Variants in EIF4ENIF1 observed in about 807,000 individuals in gnomAD.
EIF4ENIF1 encodes the protein eukaryotic translation initiation factor 4E nuclear import factor 1.
A neutral mutation model predicts 110.5 loss-of-function variants in EIF4ENIF1; 23 were observed. The observed-to-expected ratio is 0.21, with a 90% CI of 0.15 to 0.29. The LOEUF is 0.29. Among genes scored for constraint, EIF4ENIF1 ranks in the 10% least tolerant of loss-of-function variants. The probability of loss-of-function intolerance (pLI) is 1.00; values close to 1 mark genes in which losing one functional copy is unlikely to be tolerated. For missense variants in EIF4ENIF1, 1,031 were observed against 1,221.1 expected (o/e 0.84, Z 2.32); for synonymous variants, 440 against 437.0 (o/e 1.01, Z -0.09).
At position 31,488,709 on chromosome 22, in the gene EIF4ENIF1, T is replaced by C; in HGVS notation, c.10A>G (p.Arg4Gly). Residue 4 changes from arginine to glycine, a missense_variant, in exon 2 of 19, where the codon AGA becomes GGA. By Grantham distance (125) the Arg-to-Gly change is moderately radical. Transcript: ENST00000330125. MDR[R>G]SMGETESGDA... ...CCACTTTCTGTTTCACCCATACTTCTCCTATCCATGGCTCCTTGGTCTACA... is the reference window on the plus strand; with the variant it reads ...CCACTTTCTGTTTCACCCATACTTCCCCTATCCATGGCTCCTTGGTCTACA... The C allele has an allele frequency of 6.2e-7, 1 of 1,613,824 alleles. No homozygotes were observed.
chr22:31,458,925 CTT>C (rs11337049), intron 6 of EIF4ENIF1, among the ~76,000 whole-genome samples: 555 of 107,196 alleles, frequency 5.2e-3, no homozygotes, highest in African/African-American at 0.016. Context: ...GGAGGGGGGT[CTT>C]TTTTTTTTTT....
In EIF4ENIF1 at chr22:31,486,612, C is replaced by G. The variant is rs9619201; in HGVS notation, c.96+2011G>C. ...TGGCCAACATGGCAAGATCCCGTCT[C>G]CACTAAAACTACAAAAATTAGCTGG... On this transcript the variant is annotated intron_variant, in intron 2 of 18. Transcript: ENST00000330125. Among the ~76,000 whole-genome samples, 1,129 of 150,380 alleles carry G rather than the reference C, an allele frequency of 7.5e-3. 22 individuals carry two copies. Among genetic ancestry groups the G allele is most frequent in the African/African-American group, 0.025 (1,025 of 40,898 alleles).
intron 4 of EIF4ENIF1, 148 bp downstream of exon 4, chr22:31,468,027 G>A (rs888245924): frequency 1.4e-5 from 16 of 1,180,804 alleles, no homozygotes; most frequent in African/African-American, 3.1e-5. Context: ...TTACCCTGCT[G>A]ATTAGGAAAA....
At chr22:31,458,694 C>T (rs2050902202) in intron 6 of EIF4ENIF1, 44 bp from the exon 7 acceptor site, 2 of 1,501,110 alleles carry the variant, frequency 1.3e-6, no homozygotes, top group Non-Finnish European at 1.8e-6. Context: ...AAGTAAATCA[C>T]TCCAGTGTCC....
chr22:31,491,916 C>T (rs2052290443), upstream of EIF4ENIF1, among the ~76,000 whole-genome samples: 2 of 152,196 alleles, frequency 1.3e-5, no homozygotes, highest in Non-Finnish European at 2.9e-5. Context: ...TAACAAACCA[C>T]CCCAGAATTC....
chr22:31,464,674 T>TAAAAAAAAAA (rs1370083798), intron 4 of EIF4ENIF1, among the ~76,000 whole-genome samples: 1 of 8,232 alleles, frequency 1.2e-4, no homozygotes, highest in African/African-American at 2.3e-3. Flanking sequence ...AGATTCAGTC[T>TAAAAAAAAAA]CAAAAAAAAA....
intron 11 of EIF4ENIF1, 79 bp from the exon 12 acceptor site, chr22:31,449,610 G>T: frequency 7.3e-7 from 1 of 1,367,534 alleles, no homozygotes; most frequent in Non-Finnish European, 1.0e-6. Flanking sequence ...ATTAACTTTT[G>T]AGAGCCACAA....
intron 9 of EIF4ENIF1, 38 bp from the exon 10 acceptor site, chr22:31,454,414 G>C (rs1462984815): frequency 6.4e-7 from 1 of 1,553,342 alleles, no homozygotes; most frequent in African/African-American, 1.4e-5. Context: ...ATCAAGCAAA[G>C]AGATATCTGG....
chr22:31,443,353 C>G, intron 15 of EIF4ENIF1: 2 of 348,672 alleles, frequency 5.7e-6, no homozygotes, highest in South Asian at 6.3e-5. Flanking sequence ...GATTTCCCAG[C>G]CTGGGATTAG....
intron 15 of EIF4ENIF1, 153 bp downstream of exon 15, chr22:31,444,453 G>A (rs2082044982): frequency 1.4e-6 from 1 of 715,850 alleles, no homozygotes; most frequent in East Asian, 2.6e-5. Context: ...GTCCTAAAAG[G>A]GAAAGACCTA....
chr22:31,472,860 T>C (rs1406954717), intron 2 of EIF4ENIF1, among the ~76,000 whole-genome samples: 3 of 152,168 alleles, frequency 2.0e-5, no homozygotes, highest in Non-Finnish European at 4.4e-5. Flanking sequence ...TTTTGAAATA[T>C]ACAATACACT....
intron 2 of EIF4ENIF1, among the ~76,000 whole-genome samples, chr22:31,485,959 A>G (rs926865127): frequency 2.6e-5 from 4 of 151,488 alleles, no homozygotes; most frequent in African/African-American, 9.7e-5. Context: ...AATACAAAAA[A>G]AAATAGGCCA....
chr22:31,443,134 T>A, intron 15 of EIF4ENIF1, 40 bp from the exon 16 acceptor site: 1 of 1,606,896 alleles, frequency 6.2e-7, no homozygotes. Context: ...ATTCTCTAAG[T>A]GCCGTTCTCT....
At chr22:31,450,232 TG>T in intron 11 of EIF4ENIF1, 56 bp downstream of exon 11, 1 of 1,454,084 alleles carries the variant, frequency 6.9e-7, no homozygotes, top group Admixed American at 1.8e-5. Flanking sequence ...TAAGCAAAAC[TG>T]GTTCAGAAGA....
chr22:31,492,155 A>G (rs536550083), upstream of EIF4ENIF1, among the ~76,000 whole-genome samples: 3 of 152,220 alleles, frequency 2.0e-5, no homozygotes, highest in South Asian at 2.1e-4. Flanking sequence ...CTTCCTTGAA[A>G]TATCAGGGCT....
chr22:31,458,372 A>C, intron 7 of EIF4ENIF1, 103 bp downstream of exon 7: 1 of 1,053,910 alleles, frequency 9.5e-7, no homozygotes, highest in Non-Finnish European at 1.3e-6. Flanking sequence ...AATAAAAGCC[A>C]AAAACCCCAA....
At chr22:31,460,116 T>TCTTC (rs2050945171) in intron 6 of EIF4ENIF1, among the ~76,000 whole-genome samples, 1 of 152,220 alleles carries the variant, frequency 6.6e-6, no homozygotes, top group Non-Finnish European at 1.5e-5. Context: ...AATAGCAAAG[T>TCTTC]CTTCCAAGTT....
intron 3 of EIF4ENIF1, 57 bp from the exon 4 acceptor site, chr22:31,468,359 G>A: frequency 1.9e-6 from 3 of 1,604,400 alleles, no homozygotes; most frequent in Middle Eastern, 1.7e-4. Flanking sequence ...TATAGGCAGT[G>A]TGATTTCTAA....
chr22:31,465,948 G>A (rs2051170387), intron 4 of EIF4ENIF1, among the ~76,000 whole-genome samples: 1 of 152,194 alleles, frequency 6.6e-6, no homozygotes, highest in South Asian at 2.1e-4. Context: ...CCTAGGAAAT[G>A]TAAACTAATC....
Sources: gnomAD v4.1 joint callset for allele counts (sites outside exome capture counted in the v4.1 genomes callset) on GRCh38, gnomAD v4.1.1 for gene constraint, MANE v1.5 for transcripts, NCBI Gene and HGNC (gene_info 2026-07-23, HGNC 2026-07-21) for gene names.